Variants in FOXP1 observed in about 807,000 individuals in gnomAD.
FOXP1 encodes forkhead box protein P1.
Under a neutral mutation model 98.2 loss-of-function variants are expected in FOXP1, and 15 were observed. That is an observed-to-expected ratio of 0.15 (90% CI 0.10 to 0.24). The LOEUF (loss-of-function observed/expected upper bound fraction) is 0.24. Among genes scored for constraint, FOXP1 ranks in the 10% least tolerant of loss-of-function variants. The pLI, the probability that FOXP1 is intolerant of heterozygous loss-of-function variation, is 1.00. For synonymous variants in FOXP1, 371 were observed against 314.5 expected (o/e 1.18, Z -1.90); for missense variants, 633 against 848.5 (o/e 0.75, Z 3.15).
chr3:71,338,526 C>T (rs1260298789), intron 4 of FOXP1, among the ~76,000 whole-genome samples: 1 of 152,196 alleles, frequency 6.6e-6, no homozygotes, highest in Non-Finnish European at 1.5e-5. Context: ...CTCCCAGGTC[C>T]ATGCCATTCT....
chr3:71,178,854 A>G (rs2062106979), intron 6 of FOXP1, among the ~76,000 whole-genome samples: 1 of 151,710 alleles, frequency 6.6e-6, no homozygotes, highest in Non-Finnish European at 1.5e-5. Context: ...ACTGCACTGC[A>G]GCCTGGGCGA....
chr3:71,403,426 G>C (rs573134217), intron 3 of FOXP1, among the ~76,000 whole-genome samples: 69 of 152,378 alleles, frequency 4.5e-4, no homozygotes, highest in Middle Eastern at 3.4e-3. Flanking sequence ...AAAAACAAGG[G>C]AACTGTTTCA....
rs907661928 is a variant in FOXP1 at position 70,966,790 on chromosome 3, C to T, written c.1723-734G>A. On this transcript the variant is annotated intron_variant, in intron 19 of 20. Coordinates refer to ENST00000649528, the MANE Select transcript of FOXP1 (RefSeq NM_001349338.3). ...TATTAAAGGTTACAAAGTTACTCCA[C>T]GTGAGTGTCAGCAAAAAAGTGAGGA... Among the ~76,000 whole-genome samples the T allele has an allele frequency of 4.6e-5, 7 of 152,102 alleles. No homozygotes were observed. The East Asian group carries it at 7.7e-4, about 17-fold the overall frequency.
At chr3:71,474,937 G>A (rs182015922) in intron 3 of FOXP1, among the ~76,000 whole-genome samples, 1 of 152,214 alleles carries the variant, frequency 6.6e-6, no homozygotes, top group East Asian at 1.9e-4. Flanking sequence ...CAAGGCTGGA[G>A]AACTGCTGTA....
In FOXP1 at chr3:71,353,043, C is replaced by T. The variant is rs2077903073; in HGVS notation, c.-73+6107G>A. On this transcript the variant is annotated intron_variant, in intron 4 of 20. Transcript: ENST00000649528. ...TGTGGACAAAGACAGGACACAGGCT[C>T]TCCTGGTTGGAATACCCAGGGCAAA... Among the ~76,000 whole-genome samples, 4 of 152,168 alleles carry T rather than the reference C, an allele frequency of 2.6e-5. No individual in the cohort carries two copies. In the South Asian group the frequency reaches 8.3e-4, roughly 32 times the overall value.
rs1481424189 is a variant in FOXP1, at chr3:70,957,393, C to G, written c.*1854G>C. The G allele has an allele frequency of 8.7e-6, 2 of 229,280 alleles. No individual in the cohort carries two copies. Among genetic ancestry groups the G allele is most frequent in the African/African-American group, 4.4e-5 (2 of 45,102 alleles). 14.2% of individuals were successfully genotyped at this position (229,280 alleles called of 1,614,324 possible). ...AGTTCTCTTTCTCAGGTTGCAATAG[C>G]CTATCGCTTGTCATTTGCCTCTAAA... On this transcript the variant is annotated 3_prime_UTR_variant, in exon 21 of 21. Coordinates refer to ENST00000649528, the MANE Select transcript of FOXP1 (RefSeq NM_001349338.3).
chr3:71,359,521 T>G (rs1443994970), intron 3 of FOXP1, among the ~76,000 whole-genome samples: 1 of 152,160 alleles, frequency 6.6e-6, no homozygotes, highest in Non-Finnish European at 1.5e-5. Context: ...GGAAGTTAAG[T>G]TCCTTTATCT....
intron 2 of FOXP1, among the ~76,000 whole-genome samples, chr3:71,556,391 C>G (rs2046132003): frequency 6.6e-6 from 1 of 151,986 alleles, no homozygotes; most frequent in South Asian, 2.1e-4. Context: ...TCCTGGCTAA[C>G]ATGGTGAAAC....
In FOXP1 at chr3:70,956,394, G is replaced by C. The variant is rs1345020351; in HGVS notation, c.*2853C>G. ...TCTGCAAGGCTGTGATACCTGCAAA[G>C]ATATGTAAAATCTAATTTTTCTTTT... On this transcript the variant is annotated 3_prime_UTR_variant, in exon 21 of 21. Coordinates refer to ENST00000649528, the MANE Select transcript of FOXP1 (RefSeq NM_001349338.3). 9.1e-6 allele frequency: 2 copies of C among 219,496 alleles called. No individual in the cohort carries two copies. The highest frequency in any genetic ancestry group is 1.2e-4 in the Admixed American group (2 of 16,964). The allele number at this position is 219,496 out of a possible 1,614,324, so 13.6% of individuals were successfully genotyped here. A position where few individuals can be genotyped will look rare whatever the true frequency, so the allele number is the denominator to read the frequency against.
chr3:71,231,002 C>T (rs1216000613), intron 5 of FOXP1, among the ~76,000 whole-genome samples: 9 of 152,158 alleles, frequency 5.9e-5, no homozygotes, highest in African/African-American at 2.2e-4. Flanking sequence ...TATCCAGATA[C>T]TTGTTTTTCC....
chr3:71,381,597 C>CCG (rs2080184537), intron 3 of FOXP1, among the ~76,000 whole-genome samples: 1 of 151,998 alleles, frequency 6.6e-6, no homozygotes, highest in Non-Finnish European at 1.5e-5. Flanking sequence ...GGATACAACA[C>CCG]CGCTCTCAGC....
At chr3:71,001,129 GT>G in intron 12 of FOXP1, 70 bp from the exon 13 acceptor site, 1 of 1,258,050 alleles carries the variant, frequency 7.9e-7, no homozygotes, top group South Asian at 1.2e-5. Flanking sequence ...TTACCAGGAT[GT>G]TTAAGCATAA....
At chr3:71,130,727 C>G in intron 6 of FOXP1, 1 of 1,501,950 alleles carries the variant, frequency 6.7e-7, no homozygotes, top group Non-Finnish European at 8.9e-7. Flanking sequence ...TCCACAGTAG[C>G]TGGCTGGGCT....
chr3:71,139,331 T>C (rs2059960193), intron 6 of FOXP1, among the ~76,000 whole-genome samples: 1 of 152,108 alleles, frequency 6.6e-6, no homozygotes. Flanking sequence ...ACTCAGTGAA[T>C]TAAAAGGGAG....
At position 70,956,732 on chromosome 3, in the gene FOXP1, G is replaced by GTTTTTTTTTTTTTTTTTTTT. The variant is rs142956636; in HGVS notation, c.*2495_*2514dup. 3.1e-5 allele frequency: 1 copy of GTTTTTTTTTTTTTTTTTTTT among 32,686 alleles called. No individual in the cohort carries two copies. The highest frequency in any genetic ancestry group is 6.1e-5 in the Non-Finnish European group (1 of 16,394). 2.0% of individuals were successfully genotyped at this position (32,686 alleles called of 1,614,324 possible). ...GCACATCATGAAGCTGCCTGGAAAA[G>GTTTTTTTTTTTTTTTTTTTT]TTTTTTTTTTTTTTTTTTTTTTTTT... On this transcript the variant is annotated 3_prime_UTR_variant, in exon 21 of 21. Transcript: ENST00000649528.
rs2044176829 is a variant in FOXP1 at position 71,014,672 on chromosome 3, G to A, written c.974+877C>T. ...TACCCAAAGGTTTATAATTCATGCTGCTATAAAGACACATGCACATGTATG... is the reference window on the plus strand; with the variant it reads ...TACCCAAAGGTTTATAATTCATGCTACTATAAAGACACATGCACATGTATG... On this transcript the variant is annotated intron_variant, in intron 12 of 20. Coordinates refer to ENST00000649528, the MANE Select transcript of FOXP1 (RefSeq NM_001349338.3). 2.0e-5 allele frequency among the ~76,000 whole-genome samples: 3 copies of A among 152,102 alleles called. No homozygotes were observed. In the South Asian group the frequency reaches 6.2e-4, roughly 32 times the overall value.
At chr3:71,370,919 A>G (rs2079264957) in intron 3 of FOXP1, among the ~76,000 whole-genome samples, 1 of 150,586 alleles carries the variant, frequency 6.6e-6, no homozygotes, top group South Asian at 2.1e-4. Flanking sequence ...CTCCTGTCTC[A>G]GCCTCTCAAG....
chr3:71,442,394 C>A (rs1278811889), intron 3 of FOXP1, among the ~76,000 whole-genome samples: 38 of 146,224 alleles, frequency 2.6e-4, no homozygotes, highest in East Asian at 2.0e-3. Flanking sequence ...AAAAAAAAAA[C>A]CACATTCAGA....
At chr3:71,239,985 A>C (rs748945218) in intron 5 of FOXP1, among the ~76,000 whole-genome samples, 9 of 152,228 alleles carry the variant, frequency 5.9e-5, no homozygotes, top group Non-Finnish European at 7.3e-5. Flanking sequence ...CAGGGTTGAC[A>C]ATCAACTAGG....
Sources: gnomAD v4.1 joint callset for allele counts (sites outside exome capture counted in the v4.1 genomes callset) on GRCh38, gnomAD v4.1.1 for gene constraint, MANE v1.5 for transcripts, NCBI Gene and HGNC (gene_info 2026-07-23, HGNC 2026-07-21) for gene names.